PXDN: variants seen among roughly 807,000 people sequenced by gnomAD.
The protein encoded by PXDN is peroxidasin, also known as peroxidasin homolog.
PXDN carries 77 observed loss-of-function variants against 140.3 expected under a neutral mutation model. The ratio of observed to expected loss-of-function variants is 0.55; its 90% CI spans 0.46 to 0.66. The LOEUF is 0.66. Ranked by LOEUF, PXDN falls within the 30% of genes least tolerant of loss-of-function variation. The probability of loss-of-function intolerance (pLI) is 0.00; values close to 1 mark genes in which losing one functional copy is unlikely to be tolerated. For synonymous variants in PXDN, 911 were observed against 857.4 expected (o/e 1.06, Z -1.09); for missense variants, 1,838 against 2,039.5 (o/e 0.90, Z 1.90).
intron 1 of PXDN, among the ~76,000 whole-genome samples, chr2:1,740,929 C>T (rs10167956): frequency 0.33 from 50,565 of 152,074 alleles, 10,728 homozygotes; most frequent in African/African-American, 0.59. Flanking sequence ...CCTGAGCCCA[C>T]CCCAAGCTCC....
At chr2:1,726,240 A>G (rs2125485489) in intron 1 of PXDN, among the ~76,000 whole-genome samples, 1 of 150,712 alleles carries the variant, frequency 6.6e-6, no homozygotes, top group African/African-American at 2.4e-5. Flanking sequence ...ATGGAATACT[A>G]TGCAGCCATA....
intron 17 of PXDN, among the ~76,000 whole-genome samples, chr2:1,646,409 G>A (rs548302467): frequency 5.5e-4 from 84 of 152,236 alleles, no homozygotes; most frequent in Admixed American, 2.2e-3. Flanking sequence ...TGTCAGTTTG[G>A]ACAAGAACAA....
chr2:1,677,493 G>A (rs1683749778), intron 7 of PXDN, among the ~76,000 whole-genome samples: 1 of 152,224 alleles, frequency 6.6e-6, no homozygotes, highest in East Asian at 1.9e-4. Context: ...CACAGCTGGA[G>A]CAACTCCCAG....
intron 1 of PXDN, among the ~76,000 whole-genome samples, chr2:1,727,927 T>C (rs1685226709): frequency 6.6e-6 from 1 of 152,232 alleles, no homozygotes. Context: ...AAGACTGTCC[T>C]GTTCCTTCTT....
intron 19 of PXDN, among the ~76,000 whole-genome samples, chr2:1,641,523 T>C (rs1682727581): frequency 6.6e-6 from 1 of 152,256 alleles, no homozygotes; most frequent in Non-Finnish European, 1.5e-5. Context: ...ATCTGAGTTC[T>C]GTTTTCGTAT....
chr2:1,709,685 G>A (rs1437003091), intron 1 of PXDN, among the ~76,000 whole-genome samples: 2 of 152,216 alleles, frequency 1.3e-5, no homozygotes, highest in Non-Finnish European at 2.9e-5. Context: ...CCCCCACGCG[G>A]TGGTGTTATC....
intron 14 of PXDN, among the ~76,000 whole-genome samples, chr2:1,658,460 T>A (rs1461835296): frequency 6.7e-6 from 1 of 149,228 alleles, no homozygotes; most frequent in Non-Finnish European, 1.5e-5. Flanking sequence ...CCAGGCCCCC[T>A]CAGATCTGCT....
intron 16 of PXDN, chr2:1,653,237 C>T (rs923277079): frequency 4.7e-5 from 16 of 337,552 alleles, no homozygotes; most frequent in South Asian, 2.0e-4. Flanking sequence ...TCCTAATACG[C>T]GTGGCACCGC....
At chr2:1,723,633 CAGAT>C (rs1300443880) in intron 1 of PXDN, among the ~76,000 whole-genome samples, 2 of 151,306 alleles carry the variant, frequency 1.3e-5, no homozygotes, top group African/African-American at 4.9e-5. Context: ...GATGGACAGA[CAGAT>C]GGACTAATAA....
At position 1,649,079 on chromosome 2, in the gene PXDN, C is replaced by T; in HGVS notation, c.2701G>A (p.Glu901Lys). ...TAGGAGGTGAGCTGGTTGATCTGCT[C>T]CCGCGGGTACACGGAGTTCATGAGC... ...SLLMNSVYPR[E>K]QINQLTSYID... Residue 901 changes from glutamate (E) to lysine (K), a missense_variant, in exon 17 of 23, where the codon GAG becomes AAG. Around this residue, in one of 5 missense-constraint regions of PXDN, gnomAD observed 850 missense variants for 894.1 expected, o/e 0.95. Transcript: ENST00000252804. This position sits in a 1 kb window ranked among gnomAD's most constrained non-coding sequence, Gnocchi z 7.1. 6.2e-7 allele frequency: 1 copy of T among 1,612,626 alleles called. No individual in the cohort carries two copies. The highest frequency in any genetic ancestry group is 1.3e-5 in the African/African-American group (1 of 75,030).
chr2:1,680,755 C>G (rs1447833047), intron 6 of PXDN, among the ~76,000 whole-genome samples: 1 of 152,192 alleles, frequency 6.6e-6, no homozygotes, highest in Non-Finnish European at 1.5e-5. Flanking sequence ...ACATGAAAAC[C>G]ACAGCCACAA....
chr2:1,742,267 G>A (rs1183678162), intron 1 of PXDN, among the ~76,000 whole-genome samples: 1 of 152,146 alleles, frequency 6.6e-6, no homozygotes, highest in African/African-American at 2.4e-5. Flanking sequence ...TAAGGGATTC[G>A]ATCAACTTAA....
At chr2:1,736,256 C>G (rs966584975) in intron 1 of PXDN, among the ~76,000 whole-genome samples, 1 of 152,222 alleles carries the variant, frequency 6.6e-6, no homozygotes, top group Non-Finnish European at 1.5e-5. Context: ...GCCTTCCTCA[C>G]TAAGCTTAAT....
chr2:1,686,496 G>A (rs1014590351), intron 4 of PXDN, among the ~76,000 whole-genome samples: 1 of 152,068 alleles, frequency 6.6e-6, no homozygotes, highest in Admixed American at 6.5e-5. Flanking sequence ...AGGATTTTCC[G>A]ATCCACTCAG....
intron 1 of PXDN, among the ~76,000 whole-genome samples, chr2:1,697,366 T>C (rs1479307131): frequency 1.3e-5 from 2 of 152,200 alleles, no homozygotes; most frequent in Admixed American, 6.5e-5. Flanking sequence ...CTGGTCATCA[T>C]TGACATAAAG....
intron 1 of PXDN, among the ~76,000 whole-genome samples, chr2:1,726,684 G>A (rs1024631961): frequency 2.0e-5 from 3 of 152,136 alleles, no homozygotes; most frequent in African/African-American, 7.2e-5. Flanking sequence ...TTCCTTACAT[G>A]TTTTAGATGC....
At chr2:1,661,415 A>C (rs1408780064) in intron 13 of PXDN, among the ~76,000 whole-genome samples, 1 of 152,192 alleles carries the variant, frequency 6.6e-6, no homozygotes, top group Non-Finnish European at 1.5e-5. Flanking sequence ...GAGGGCAAAG[A>C]AGGATTCAGA....
chr2:1,636,845 G>A (rs1470559162), intron 21 of PXDN: 1 of 152,212 alleles, frequency 6.6e-6, no homozygotes, highest in Non-Finnish European at 1.5e-5. Flanking sequence ...CAGCCAGAGA[G>A]AAGCAGTGAC....
intron 16 of PXDN, 104 bp downstream of exon 16, chr2:1,653,524 G>C: frequency 6.9e-7 from 1 of 1,449,594 alleles, no homozygotes; most frequent in Non-Finnish European, 9.5e-7. Context: ...AGCACAGTGG[G>C]AAAGAAAATG....
Sources: gnomAD v4.1 joint callset for allele counts (sites outside exome capture counted in the v4.1 genomes callset) on GRCh38, gnomAD v4.1.1 for gene constraint, gnomAD v4.1.1 regional missense constraint, Gnocchi (gnomAD v3.1) non-coding constraint, MANE v1.5 for transcripts, NCBI Gene and HGNC (gene_info 2026-07-23, HGNC 2026-07-21) for gene names.